PSMG1: variants seen among roughly 807,000 people sequenced by gnomAD.
PSMG1 encodes proteasome assembly chaperone 1.
PSMG1 carries 23 observed loss-of-function variants against 37.2 expected under a neutral mutation model. The observed-to-expected ratio is 0.62, with a 90% CI of 0.44 to 0.88. The LOEUF (loss-of-function observed/expected upper bound fraction) is 0.88. Among genes scored for constraint, PSMG1 ranks in the 40% least tolerant of loss-of-function variants. PSMG1 has a pLI of 0.00. For synonymous variants in PSMG1, 127 were observed against 128.0 expected, an observed-to-expected ratio of 0.99 and a Z score of 0.05; for missense variants, 340 against 344.2, an observed-to-expected ratio of 0.99 and a Z score of 0.10.
chr21:39,182,743 A>G (rs989116291), intron 1 of PSMG1, among the ~76,000 whole-genome samples: 8 of 152,124 alleles, frequency 5.3e-5, no homozygotes, highest in African/African-American at 1.9e-4. Flanking sequence ...GTGTTTGGAA[A>G]CAATTTTTTT....
Position 39,183,343 on chromosome 21 carries a change from G to C in PSMG1, c.43C>G (p.Arg15Gly), listed in dbSNP as rs1178582445. The change falls in exon 1 of 7, where the codon CGA becomes GGA. Residue 15 changes from arginine to glycine, a missense_variant. Arg to Gly is a moderately radical substitution (Grantham distance 125). Coordinates refer to ENST00000331573, the MANE Select transcript of PSMG1 (RefSeq NM_003720.4). Reference sequence around the variant, plus strand: ...TCCTCTTCGTCCTCAGTCCCAGCTCGGCACGGCGCCTTCACCACCTCTCCG... The same window carrying C: ...TCCTCTTCGTCCTCAGTCCCAGCTCCGCACGGCGCCTTCACCACCTCTCCG... ...FFGEVVKAPC[R>G]AGTEDEEEEE... is the part of the protein sequence containing the mutation. 5.7e-6 allele frequency: 9 copies of C among 1,573,532 alleles called. No individual in the cohort carries two copies. The highest frequency in any genetic ancestry group is 3.3e-4 in the Middle Eastern group (2 of 6,036).
rs749006588 is a variant in PSMG1, at chr21:39,175,542, C to T, written c.*48G>A. ...TCTACAAAAGAGTGCAGGCTGCTCC[C>T]CTTAAAGGAATGGACAAGTAATATA... On this transcript the variant is annotated 3_prime_UTR_variant, in exon 7 of 7. Transcript: ENST00000331573. 1 of 1,572,118 alleles carries T rather than the reference C, an allele frequency of 6.4e-7. No homozygotes were observed. Among genetic ancestry groups the T allele is most frequent in the Admixed American group, 1.8e-5 (1 of 56,108 alleles).
At chr21:39,180,485 T>C (rs1160004806) in intron 2 of PSMG1, 49 bp from the exon 3 acceptor site, 1 of 1,488,692 alleles carries the variant, frequency 6.7e-7, no homozygotes. Context: ...GCAAGCTATA[T>C]TTTCTATTCA....
intron 2 of PSMG1, among the ~76,000 whole-genome samples, chr21:39,181,111 T>C (rs1403056492): frequency 6.6e-6 from 1 of 152,138 alleles, no homozygotes; most frequent in African/African-American, 2.4e-5. Flanking sequence ...GAGTTTTAAG[T>C]TCCTGAAGCT....
In PSMG1 at chr21:39,177,497, G is replaced by A. The variant is rs1213399019; in HGVS notation, c.730C>T (p.Leu244=). The A allele has an allele frequency of 6.2e-7, 1 of 1,608,372 alleles. No individual in the cohort carries two copies. The highest frequency in any genetic ancestry group is 2.2e-5 in the East Asian group (1 of 44,544). ...GGCTTAAAAGCTTCCACTGTGATTA[G>A]GTCTAATTTCATCACATCAGTATAA... ...LCYTDVMKLD[L]ITVEAFKPIL... is the part of the protein sequence containing the mutation. The change falls in exon 6 of 7, where the codon CTA becomes TTA. Residue 244 remains leucine, a synonymous_variant. Coordinates refer to ENST00000331573, the MANE Select transcript of PSMG1 (RefSeq NM_003720.4).
At chr21:39,182,487 G>C (rs914862309) in intron 1 of PSMG1, among the ~76,000 whole-genome samples, 3 of 152,184 alleles carry the variant, frequency 2.0e-5, no homozygotes, top group African/African-American at 4.8e-5. Flanking sequence ...AAACGTGAGT[G>C]AGCATGGACT....
Position 39,183,270 on chromosome 21 carries a change from A to G in PSMG1, c.116T>C (p.Leu39Pro), listed in dbSNP as rs1127135. 1.3e-6 allele frequency: 2 copies of G among 1,587,024 alleles called. No homozygotes were observed. Among genetic ancestry groups the G allele is most frequent in the Non-Finnish European group, 1.7e-6 (2 of 1,170,216 alleles). Residue 39 changes from leucine (L) to proline (P), a missense_variant, in exon 1 of 7, where the codon CTG becomes CCG. Leu to Pro is a moderately conservative substitution (Grantham distance 98, BLOSUM62 -3). Coordinates refer to ENST00000331573, the MANE Select transcript of PSMG1 (RefSeq NM_003720.4). ...GCCTCACCTCTTCCGCGCCAGCTGC[A>G]GACGCACCTCCCTGTCCTCGGGCGT... ...RETPEDREVRLQLARKREVRL... is the reference protein window; with the variant it reads ...RETPEDREVRPQLARKREVRL...
In PSMG1 at chr21:39,175,579, A is replaced by T; in HGVS notation, c.*11T>A. 1 of 1,584,968 alleles carries T rather than the reference A, an allele frequency of 6.3e-7. No individual in the cohort carries two copies. The highest frequency in any genetic ancestry group is 1.7e-5 in the Admixed American group (1 of 59,830). ...GGACAAGTAATATACACTACAAAAC[A>T]ATGTTTAAGATCATGTATAAATGTT... is the stretch of plus-strand genomic sequence containing the variant. On this transcript the variant is annotated 3_prime_UTR_variant, in exon 7 of 7. Transcript: ENST00000331573.
chr21:39,178,653 A>T lies in PSMG1; in HGVS notation c.457-6T>A. On this transcript the variant is annotated splice_region_variant and splice_polypyrimidine_tract_variant and intron_variant, in intron 4 of 6. Coordinates refer to ENST00000331573, the MANE Select transcript of PSMG1 (RefSeq NM_003720.4). ...CTTGGACAAGAGCCAAAAACCTAAC[A>T]TAAAATTTATTTCAAATTAAAAAAA... The T allele has an allele frequency of 6.2e-7, 1 of 1,606,132 alleles. No individual in the cohort carries two copies. The highest frequency in any genetic ancestry group is 8.5e-7 in the Non-Finnish European group (1 of 1,176,602).
In PSMG1 at chr21:39,181,767, C is replaced by A. The variant is rs748486138; in HGVS notation, c.241+5G>T. On this transcript the variant is annotated splice_donor_5th_base_variant and intron_variant, in intron 2 of 6. Coordinates refer to ENST00000331573, the MANE Select transcript of PSMG1 (RefSeq NM_003720.4). ...AATGACTAAGTCTTCTGCATTTTCA[C>A]TTACCTACTGCATTATTTCCTATAG... The A allele has an allele frequency of 1.3e-6, 2 of 1,521,096 alleles. No homozygotes were observed. Among genetic ancestry groups the A allele is most frequent in the South Asian group, 2.5e-5 (2 of 79,854 alleles). 94.2% of individuals were successfully genotyped at this position (1,521,096 alleles called of 1,614,324 possible). A position where few individuals can be genotyped will look rare whatever the true frequency, so the allele number is the denominator to read the frequency against.
intron 6 of PSMG1, among the ~76,000 whole-genome samples, chr21:39,176,603 A>C (rs1352388905): frequency 6.6e-6 from 1 of 152,256 alleles, no homozygotes; most frequent in African/African-American, 2.4e-5. Flanking sequence ...GTACTCTTCA[A>C]CAAATGGTTA....
chr21:39,178,767 G>A, intron 4 of PSMG1, 120 bp from the exon 5 acceptor site: 1 of 961,974 alleles, frequency 1.0e-6, no homozygotes, highest in South Asian at 1.7e-5. Context: ...AGGGGTGGGA[G>A]TGTGCCTTGG....
chr21:39,177,038 G>T (rs2030649568), intron 6 of PSMG1, among the ~76,000 whole-genome samples: 1 of 152,132 alleles, frequency 6.6e-6, no homozygotes, highest in African/African-American at 2.4e-5. Flanking sequence ...CACATATACA[G>T]TTCTCTGTAA....
chr21:39,179,385 GAA>G (rs570045411), intron 4 of PSMG1, among the ~76,000 whole-genome samples: 165 of 152,130 alleles, frequency 1.1e-3, no homozygotes, highest in African/African-American at 3.7e-3. Context: ...GCCGTCCAGA[GAA>G]AAAAAGTCAC....
rs765598111 is a variant in PSMG1 at position 39,183,404 on chromosome 21, T to A, written c.-19A>T. The A allele has an allele frequency of 2.5e-5, 40 of 1,571,628 alleles. No individual in the cohort carries two copies. The highest frequency in any genetic ancestry group is 3.6e-5 in the Admixed American group (2 of 56,132). On this transcript the variant is annotated 5_prime_UTR_variant, in exon 1 of 7. Coordinates refer to ENST00000331573, the MANE Select transcript of PSMG1 (RefSeq NM_003720.4). ...CCGCCATAGCCGCCCCGTGACCGGC[T>A]GGACACAACTGCAGCGCCGCGGGAC...
At position 39,183,429 on chromosome 21, in the gene PSMG1, C is replaced by T. The variant is rs1261363364; in HGVS notation, c.-44G>A. 2 of 1,532,184 alleles carry T rather than the reference C, an allele frequency of 1.3e-6. No individual in the cohort carries two copies. Among genetic ancestry groups the T allele is most frequent in the Non-Finnish European group, 8.7e-7 (1 of 1,143,814 alleles). 94.9% of individuals were successfully genotyped at this position (1,532,184 alleles called of 1,614,324 possible). The stretch of plus-strand genomic sequence containing the variant: ...TGGACACAACTGCAGCGCCGCGGGA[C>T]CGCACGCCGGCTTGCGCGAGACCAC... On this transcript the variant is annotated 5_prime_UTR_variant, in exon 1 of 7. Coordinates refer to ENST00000331573, the MANE Select transcript of PSMG1 (RefSeq NM_003720.4).
intron 6 of PSMG1, among the ~76,000 whole-genome samples, 195 bp from the exon 7 acceptor site, chr21:39,175,859 C>T (rs763729758): frequency 6.6e-5 from 10 of 152,140 alleles, no homozygotes; most frequent in Non-Finnish European, 1.3e-4. Context: ...CTGCCACACT[C>T]GCCGATGATC....
At chr21:39,179,293 C>T (rs1333050121) in intron 4 of PSMG1, among the ~76,000 whole-genome samples, 3 of 152,090 alleles carry the variant, frequency 2.0e-5, no homozygotes, top group South Asian at 2.1e-4. Flanking sequence ...TAGATGAACA[C>T]GTAATGCCAG....
chr21:39,181,637 G>T, intron 2 of PSMG1, 135 bp downstream of exon 2: 1 of 531,766 alleles, frequency 1.9e-6, no homozygotes, highest in Non-Finnish European at 3.0e-6. Flanking sequence ...ACAGGAGAGA[G>T]ATTTTACTCA....
Sources: allele counts gnomAD v4.1 joint callset (sites outside exome capture counted in the v4.1 genomes callset), GRCh38; gene constraint gnomAD v4.1.1; transcripts MANE v1.5; gene names NCBI Gene and HGNC (gene_info 2026-07-23, HGNC 2026-07-21).